ERBB4: variants seen among roughly 807,000 people sequenced by gnomAD.
ERBB4 encodes erb-b2 receptor tyrosine kinase 4.
In ERBB4, 42 loss-of-function variants were observed where a neutral mutation model predicts 158.0. The ratio of observed to expected loss-of-function variants is 0.27; its 90% CI spans 0.21 to 0.34. The LOEUF (loss-of-function observed/expected upper bound fraction) is 0.34. ERBB4 is among the 10% of genes least tolerant of loss of function. The pLI is 1.00. For synonymous variants in ERBB4, 583 were observed against 558.7 expected, an observed-to-expected ratio of 1.04 and a Z score of -0.61; for missense variants, 1,333 against 1,624.1, an observed-to-expected ratio of 0.82 and a Z score of 3.08.
chr2:211,756,908 T>A (rs1330913611), intron 4 of ERBB4, among the ~76,000 whole-genome samples: 1 of 152,140 alleles, frequency 6.6e-6, no homozygotes, highest in African/African-American at 2.4e-5. Flanking sequence ...TGTCTTAGAG[T>A]TTATTCTTTG....
chr2:211,912,768 C>G (rs1393930850), intron 3 of ERBB4, among the ~76,000 whole-genome samples: 1 of 152,110 alleles, frequency 6.6e-6, no homozygotes, highest in African/African-American at 2.4e-5. Flanking sequence ...ATTGATGTAG[C>G]CAGGACTTCT....
At chr2:212,519,195 T>C (rs1692011274) in intron 1 of ERBB4, among the ~76,000 whole-genome samples, 1 of 152,026 alleles carries the variant, frequency 6.6e-6, no homozygotes, top group African/African-American at 2.4e-5. Context: ...GTAGTATAGA[T>C]CTCAGTCATC....
chr2:211,381,143 C>T lies in ERBB4; in HGVS notation c.*2472G>A. The T allele has an allele frequency of 4.3e-6, 1 of 232,416 alleles. No individual in the cohort carries two copies. Among genetic ancestry groups the T allele is most frequent in the Non-Finnish European group, 8.5e-6 (1 of 117,554 alleles). The allele number at this position is 232,416 out of a possible 1,614,324, so 14.4% of individuals were successfully genotyped here. On this transcript the variant is annotated 3_prime_UTR_variant, in exon 28 of 28. Transcript: ENST00000342788. The stretch of plus-strand genomic sequence containing the variant: ...CCTGAATCACTCTGTGTCTTTACCC[C>T]TGAAAAGTTTGAGGGTGAACTTCAC...
chr2:212,488,890 G>A (rs147740491), intron 1 of ERBB4, among the ~76,000 whole-genome samples: 87 of 150,032 alleles, frequency 5.8e-4, no homozygotes, highest in Non-Finnish European at 6.2e-4. Flanking sequence ...CAAACTGTAA[G>A]TCTCAGCAGG....
chr2:212,212,231 T>C (rs192970060), intron 1 of ERBB4, among the ~76,000 whole-genome samples: 215 of 152,100 alleles, frequency 1.4e-3, no homozygotes, highest in African/African-American at 5.0e-3. Context: ...TCTATTGTTT[T>C]CTGACTTTTT....
At chr2:211,707,060 G>C (rs1436008156) in intron 9 of ERBB4, among the ~76,000 whole-genome samples, 1 of 152,116 alleles carries the variant, frequency 6.6e-6, no homozygotes. Context: ...CAGAGTATAG[G>C]ACAGCTCAGG....
intron 2 of ERBB4, among the ~76,000 whole-genome samples, chr2:212,028,732 C>T (rs1264884705): frequency 2.0e-5 from 3 of 152,090 alleles, no homozygotes; most frequent in Non-Finnish European, 4.4e-5. Flanking sequence ...CTCAACATAC[C>T]TGAGTTCTCT....
intron 2 of ERBB4, among the ~76,000 whole-genome samples, chr2:211,962,099 T>C (rs573938311): frequency 4.5e-4 from 68 of 152,236 alleles, no homozygotes; most frequent in African/African-American, 1.5e-3. Flanking sequence ...CAAAGGAGTA[T>C]GCCTTTTCCA....
chr2:211,786,183 TG>T (rs945340594), intron 4 of ERBB4, among the ~76,000 whole-genome samples: 32 of 152,266 alleles, frequency 2.1e-4, no homozygotes, highest in Middle Eastern at 3.4e-3. Flanking sequence ...GTTGAGTGAT[TG>T]GTTGGTGGTA....
chr2:212,275,034 G>GTTCCCTTGTTA (rs1212388687), intron 1 of ERBB4, among the ~76,000 whole-genome samples: 3 of 151,960 alleles, frequency 2.0e-5, no homozygotes, highest in African/African-American at 7.2e-5. Context: ...TTGGTTTTCT[G>GTTCCCTTGTTA]TTCCCTTGTT....
At chr2:212,283,980 C>T (rs1213106430) in intron 1 of ERBB4, among the ~76,000 whole-genome samples, 1 of 151,924 alleles carries the variant, frequency 6.6e-6, no homozygotes, top group East Asian at 1.9e-4. Context: ...CTGTGTTATT[C>T]TTTCTGTGAG....
intron 20 of ERBB4, among the ~76,000 whole-genome samples, chr2:211,545,879 C>A (rs1429313769): frequency 6.6e-6 from 1 of 151,996 alleles, no homozygotes; most frequent in Non-Finnish European, 1.5e-5. Flanking sequence ...TTAAGCTAAT[C>A]TTTTGTTCAC....
chr2:212,081,467 A>T (rs762711479), intron 2 of ERBB4, among the ~76,000 whole-genome samples: 2 of 152,184 alleles, frequency 1.3e-5, no homozygotes, highest in Non-Finnish European at 2.9e-5. Context: ...ATGCCATCAC[A>T]CTAAATCAAG....
chr2:212,056,938 T>G (rs1185493879), intron 2 of ERBB4, among the ~76,000 whole-genome samples: 3 of 152,138 alleles, frequency 2.0e-5, no homozygotes, highest in African/African-American at 4.8e-5. Flanking sequence ...ATATTAACCT[T>G]AAGTGTAAAT....
At chr2:211,462,040 C>T (rs1290631183) in intron 20 of ERBB4, among the ~76,000 whole-genome samples, 1 of 151,826 alleles carries the variant, frequency 6.6e-6, no homozygotes, top group Non-Finnish European at 1.5e-5. Context: ...ATTGCACTGA[C>T]TCAATATAAA....
intron 1 of ERBB4, among the ~76,000 whole-genome samples, chr2:212,287,975 A>G (rs1365907536): frequency 6.6e-6 from 1 of 152,186 alleles, no homozygotes; most frequent in Non-Finnish European, 1.5e-5. Flanking sequence ...TACCTGGGCT[A>G]TGAAATAATC....
Position 211,378,206 on chromosome 2 carries a change from G to A in ERBB4, c.*5409C>T, listed in dbSNP as rs911917117. ...ACATTTTTCTTTGATTCCTAACAAGGTAATCACTTACTTGCAAAGCTGACT... is the reference window on the plus strand; with the variant it reads ...ACATTTTTCTTTGATTCCTAACAAGATAATCACTTACTTGCAAAGCTGACT... On this transcript the variant is annotated 3_prime_UTR_variant, in exon 28 of 28. Transcript: ENST00000342788. 4 of 232,934 alleles carry A rather than the reference G, an allele frequency of 1.7e-5. No individual in the cohort carries two copies. The highest frequency in any genetic ancestry group is 2.5e-5 in the Non-Finnish European group (3 of 117,662). 14.4% of individuals were successfully genotyped at this position (232,934 alleles called of 1,614,324 possible).
At chr2:211,639,730 CT>C (rs1274880325) in intron 16 of ERBB4, among the ~76,000 whole-genome samples, 54 of 151,438 alleles carry the variant, frequency 3.6e-4, no homozygotes, top group Middle Eastern at 3.4e-3. Flanking sequence ...GGTTTGCAAA[CT>C]TTTTTTTTGA....
chr2:212,313,971 T>A (rs1341428804), intron 1 of ERBB4, among the ~76,000 whole-genome samples: 1 of 150,994 alleles, frequency 6.6e-6, no homozygotes, highest in East Asian at 2.0e-4. Flanking sequence ...ATTTAAACAA[T>A]CTACAAACTT....
Sources: allele counts gnomAD v4.1 joint callset (sites outside exome capture counted in the v4.1 genomes callset), GRCh38; gene constraint gnomAD v4.1.1; transcripts MANE v1.5; gene names NCBI Gene and HGNC (gene_info 2026-07-23, HGNC 2026-07-21).